Variants in DCBLD2 observed in about 807,000 individuals in gnomAD.
The protein encoded by DCBLD2 is discoidin, CUB and LCCL domain-containing protein 2.
DCBLD2 carries 54 observed loss-of-function variants against 86.8 expected under a neutral mutation model. The ratio of observed to expected loss-of-function variants is 0.62; its 90% confidence interval spans 0.50 to 0.78. The LOEUF (loss-of-function observed/expected upper bound fraction) is 0.78. Ranked by LOEUF, DCBLD2 falls within the 30% of genes least tolerant of loss-of-function variation. The probability of loss-of-function intolerance (pLI) is 0.00; values close to 1 mark genes in which losing one functional copy is unlikely to be tolerated. For synonymous variants in DCBLD2, 354 were observed against 341.3 expected, an observed-to-expected ratio of 1.04 and a Z score of -0.41; for missense variants, 908 against 954.2, an observed-to-expected ratio of 0.95 and a Z score of 0.64.
At chr3:98,806,342 A>G (rs1482427208) in intron 13 of DCBLD2, among the ~76,000 whole-genome samples, 4 of 152,230 alleles carry the variant, frequency 2.6e-5, no homozygotes, top group African/African-American at 9.6e-5. Flanking sequence ...TAAGATTAGC[A>G]TTCAATTTTC....
rs564674639 is a variant in DCBLD2 at position 98,891,431 on chromosome 3, T to A, written c.206-9664A>T. ...CCTTAGCAGTTCTAAATTTAGTCCC[T>A]CTGAACAAGTGCAGGCCCTTGCAAA... On this transcript the variant is annotated intron_variant, in intron 1 of 15. Coordinates refer to ENST00000326840, the MANE Select transcript of DCBLD2 (RefSeq NM_080927.4). Among the ~76,000 whole-genome samples the A allele has an allele frequency of 1.1e-4, 17 of 152,226 alleles. 1 individual carries two copies. Among genetic ancestry groups the A allele is most frequent in the African/African-American group, 3.6e-4 (15 of 41,550 alleles).
At chr3:98,822,617 T>C in intron 5 of DCBLD2, 52 bp downstream of exon 5, 1 of 1,497,088 alleles carries the variant, frequency 6.7e-7, no homozygotes, top group Non-Finnish European at 9.0e-7. Context: ...TCTGGAGTTC[T>C]AAAAAAATAG....
chr3:98,863,009 C>G (rs1012547226), intron 2 of DCBLD2, among the ~76,000 whole-genome samples: 16 of 152,194 alleles, frequency 1.1e-4, no homozygotes, highest in Non-Finnish European at 2.4e-4. Context: ...AGCTGATAAG[C>G]AACTTCAGCA....
At chr3:98,838,030 C>A (rs1942510348) in intron 3 of DCBLD2, among the ~76,000 whole-genome samples, 1 of 117,966 alleles carries the variant, frequency 8.5e-6, no homozygotes, top group Non-Finnish European at 1.8e-5. Flanking sequence ...GACGGGGCGG[C>A]TGGCCGGGCG....
chr3:98,849,252 C>T, intron 3 of DCBLD2: 1 of 559,050 alleles, frequency 1.8e-6, no homozygotes. Flanking sequence ...ATTTCCTTTA[C>T]TAAGGAAAGG....
At chr3:98,877,591 A>AAC (rs34033726) in intron 2 of DCBLD2, among the ~76,000 whole-genome samples, 147,868 of 152,180 alleles carry the variant, frequency 0.97, 72,000 homozygotes, top group East Asian at 1. Context: ...AAAAAGATAT[A>AAC]ACAGGTACAT....
At chr3:98,864,562 G>A (rs1309646535) in intron 2 of DCBLD2, among the ~76,000 whole-genome samples, 1 of 152,168 alleles carries the variant, frequency 6.6e-6, no homozygotes, top group African/African-American at 2.4e-5. Flanking sequence ...TAGGGACATG[G>A]ATGAAGCTGG....
intron 2 of DCBLD2, among the ~76,000 whole-genome samples, chr3:98,851,324 G>C (rs1397645019): frequency 6.6e-6 from 1 of 152,086 alleles, no homozygotes; most frequent in African/African-American, 2.4e-5. Flanking sequence ...CAAATCATGA[G>C]AGAACTCCCA....
Position 98,796,996 on chromosome 3 carries a change from T to C in DCBLD2, c.*2376A>G, listed in dbSNP as rs1242131062. On this transcript the variant is annotated 3_prime_UTR_variant, in exon 16 of 16. Transcript: ENST00000326840. ...TTCACATTTTCAGTTGTTACTTGAT[T>C]GTCTCCAAAGCCGTATATGTATCAG... 1 of 150,954 alleles carries C rather than the reference T, an allele frequency of 6.6e-6. No homozygotes were observed. Among genetic ancestry groups the C allele is most frequent in the Non-Finnish European group, 1.5e-5 (1 of 67,860 alleles). The allele number at this position is 150,954 out of a possible 1,614,324, so 9.4% of individuals were successfully genotyped here.
At chr3:98,827,465 G>T (rs1449866494) in intron 3 of DCBLD2, among the ~76,000 whole-genome samples, 1 of 152,196 alleles carries the variant, frequency 6.6e-6, no homozygotes, top group Non-Finnish European at 1.5e-5. Flanking sequence ...GTCAACTATG[G>T]ATTATTTGAT....
intron 3 of DCBLD2, 158 bp downstream of exon 3, chr3:98,849,303 C>T (rs1359887923): frequency 2.3e-6 from 2 of 871,786 alleles, no homozygotes; most frequent in African/African-American, 3.4e-5. Flanking sequence ...AACTTTGAAA[C>T]TGAACTCACC....
intron 3 of DCBLD2, among the ~76,000 whole-genome samples, chr3:98,831,562 G>T (rs917011607): frequency 6.6e-6 from 1 of 152,050 alleles, no homozygotes; most frequent in Non-Finnish European, 1.5e-5. Context: ...GTTAATTTGA[G>T]ATCTAACTTT....
intron 2 of DCBLD2, among the ~76,000 whole-genome samples, chr3:98,873,884 T>C (rs1943320851): frequency 6.6e-6 from 1 of 151,992 alleles, no homozygotes; most frequent in African/African-American, 2.4e-5. Context: ...ATATGTAAAA[T>C]AAGAAATGAC....
intron 3 of DCBLD2, among the ~76,000 whole-genome samples, chr3:98,848,693 T>C (rs1003173769): frequency 5.3e-5 from 8 of 152,200 alleles, no homozygotes; most frequent in Admixed American, 5.2e-4. Context: ...ATTAGCAATT[T>C]AGAAATATCC....
At chr3:98,895,010 A>G (rs1244713264) in intron 1 of DCBLD2, among the ~76,000 whole-genome samples, 1 of 152,106 alleles carries the variant, frequency 6.6e-6, no homozygotes, top group Non-Finnish European at 1.5e-5. Context: ...GCTGATCGAG[A>G]GTTTACCGAG....
At chr3:98,885,787 G>A (rs1033822058) in intron 1 of DCBLD2, among the ~76,000 whole-genome samples, 6 of 151,820 alleles carry the variant, frequency 4.0e-5, no homozygotes, top group African/African-American at 1.2e-4. Context: ...TCAAAAGGTG[G>A]GTTGCAGGGC....
intron 2 of DCBLD2, among the ~76,000 whole-genome samples, chr3:98,873,729 A>T (rs561259489): frequency 3.9e-5 from 6 of 152,096 alleles, no homozygotes; most frequent in African/African-American, 9.7e-5. Flanking sequence ...TAAAAAAAAA[A>T]TTTTAAATCA....
At chr3:98,883,007 A>G (rs985931057) in intron 1 of DCBLD2, among the ~76,000 whole-genome samples, 3 of 152,210 alleles carry the variant, frequency 2.0e-5, no homozygotes, top group Non-Finnish European at 2.9e-5. Context: ...ACTGTCTTCC[A>G]CAATGGTTGA....
At chr3:98,825,191 G>A (rs1380979455) in intron 4 of DCBLD2, 124 bp downstream of exon 4, 17 of 665,344 alleles carry the variant, frequency 2.6e-5, no homozygotes, top group African/African-American at 1.7e-4. Flanking sequence ...TTGAAGTCTC[G>A]GAACAATGAT....
Sources: gnomAD v4.1 joint callset for allele counts (sites outside exome capture counted in the v4.1 genomes callset) on GRCh38, gnomAD v4.1.1 for gene constraint, MANE v1.5 for transcripts, NCBI Gene and HGNC (gene_info 2026-07-23, HGNC 2026-07-21) for gene names.